The following STXBP5L variants were observed in gnomAD, a reference collection of about 807,000 sequenced individuals.
STXBP5L encodes the protein syntaxin binding protein 5L.
Under a neutral mutation model 144.5 loss-of-function variants are expected in STXBP5L, and 65 were observed. The observed-to-expected ratio is 0.45, with a 90% CI of 0.37 to 0.55. STXBP5L has a LOEUF of 0.55. Ranked by LOEUF, STXBP5L falls within the 20% of genes least tolerant of loss-of-function variation. The pLI is 0.00. For synonymous variants in STXBP5L, 505 were observed against 469.6 expected, an observed-to-expected ratio of 1.08 and a Z score of -0.97; for missense variants, 1,298 against 1,405.5, an observed-to-expected ratio of 0.92 and a Z score of 1.22.
At chr3:121,238,923 G>T in intron 12 of STXBP5L, 48 bp from the exon 13 acceptor site, 1 of 1,455,498 alleles carries the variant, frequency 6.9e-7, no homozygotes, top group Non-Finnish European at 9.2e-7. Flanking sequence ...ATTATTTTCT[G>T]TTTTTTTCTT....
intron 5 of STXBP5L, among the ~76,000 whole-genome samples, chr3:121,087,477 A>C (rs568188877): frequency 6.6e-6 from 1 of 152,020 alleles, no homozygotes; most frequent in African/African-American, 2.4e-5. Flanking sequence ...TTCATTATCT[A>C]ACATAATATA....
In STXBP5L at chr3:120,945,340, C is replaced by A. The variant is rs1290280921; in HGVS notation, c.190-9600C>A. On this transcript the variant is annotated intron_variant, in intron 2 of 26. Coordinates refer to ENST00000471454, the MANE Select transcript of STXBP5L (RefSeq NM_001308330.2). ...ATTTTTAAATAAAATAAATGTATTTCATAATTGGAATATTCTATTCCCTGT... is the reference window on the plus strand; with the variant it reads ...ATTTTTAAATAAAATAAATGTATTTAATAATTGGAATATTCTATTCCCTGT... Among the ~76,000 whole-genome samples, 5 of 151,808 alleles carry A rather than the reference C, an allele frequency of 3.3e-5. No individual in the cohort carries two copies. In the East Asian group the frequency reaches 7.7e-4, roughly 24 times the overall value.
intron 20 of STXBP5L, among the ~76,000 whole-genome samples, chr3:121,374,941 T>A (rs112419478): frequency 0.027 from 3,857 of 145,214 alleles, 154 homozygotes; most frequent in African/African-American, 0.092. Flanking sequence ...TATTCTAACT[T>A]ATAAGTGGGA....
chr3:121,180,251 T>A (rs2047089652), intron 9 of STXBP5L, among the ~76,000 whole-genome samples: 1 of 152,306 alleles, frequency 6.6e-6, no homozygotes, highest in Middle Eastern at 3.4e-3. Context: ...CAGCAGAAAC[T>A]TTACAAGCCA....
At chr3:121,299,946 C>T (rs1222000030) in intron 19 of STXBP5L, among the ~76,000 whole-genome samples, 1 of 145,168 alleles carries the variant, frequency 6.9e-6, no homozygotes, top group Non-Finnish European at 1.5e-5. Context: ...CACCACTGCA[C>T]TCCAGCCTGG....
intron 9 of STXBP5L, among the ~76,000 whole-genome samples, chr3:121,197,446 A>G (rs2047964907): frequency 6.6e-6 from 1 of 151,636 alleles, no homozygotes; most frequent in South Asian, 2.1e-4. Context: ...TCCTTTACTG[A>G]TTTTTTAACA....
chr3:121,405,203 CAT>C (rs1194354185), intron 22 of STXBP5L, among the ~76,000 whole-genome samples: 1 of 152,088 alleles, frequency 6.6e-6, no homozygotes, highest in African/African-American at 2.4e-5. Flanking sequence ...GGGGCTTTAA[CAT>C]ATGATTTTTT....
chr3:121,334,600 G>T (rs2331711), intron 20 of STXBP5L, among the ~76,000 whole-genome samples: 112,065 of 142,870 alleles, frequency 0.78, 44,252 homozygotes, highest in East Asian at 0.93. Flanking sequence ...AAAAAAATAC[G>T]TGCAAATCAA....
chr3:121,016,001 C>A (rs568047012), intron 3 of STXBP5L, among the ~76,000 whole-genome samples: 1 of 152,174 alleles, frequency 6.6e-6, no homozygotes, highest in East Asian at 1.9e-4. Context: ...CAGACTCTGT[C>A]TGAGGAGGAA....
intron 23 of STXBP5L, among the ~76,000 whole-genome samples, chr3:121,408,316 ACT>A (rs1309970890): frequency 1.3e-5 from 2 of 152,094 alleles, no homozygotes; most frequent in Admixed American, 1.3e-4. Context: ...TATAGAAGTC[ACT>A]GTCATTTTTT....
At position 120,956,378 on chromosome 3, in the gene STXBP5L, C is replaced by T. The variant is rs887464056; in HGVS notation, c.287+1341C>T. Among the ~76,000 whole-genome samples the T allele has an allele frequency of 2.6e-5, 4 of 151,930 alleles. No individual in the cohort carries two copies. In the South Asian group the frequency reaches 8.3e-4, roughly 31 times the overall value. ...GAAACCACCATTCTGCTTTCTGTTT[C>T]TATAATTTTTACTACTCTAGGTAAC... On this transcript the variant is annotated intron_variant, in intron 3 of 26. Transcript: ENST00000471454.
chr3:120,958,746 G>T (rs994738392), intron 3 of STXBP5L, among the ~76,000 whole-genome samples: 1 of 152,078 alleles, frequency 6.6e-6, no homozygotes, highest in African/African-American at 2.4e-5. Context: ...GTATTGATGG[G>T]ACGTATCTCT....
chr3:121,212,407 G>A (rs1304532928), intron 10 of STXBP5L, among the ~76,000 whole-genome samples: 1 of 152,052 alleles, frequency 6.6e-6, no homozygotes, highest in East Asian at 1.9e-4. Context: ...ATAAGGAAGG[G>A]GTCCAGTTTC....
chr3:120,932,668 A>G (rs1710007700), intron 2 of STXBP5L, among the ~76,000 whole-genome samples: 1 of 152,174 alleles, frequency 6.6e-6, no homozygotes, highest in Non-Finnish European at 1.5e-5. Flanking sequence ...AACTGGAAAT[A>G]CCATTTGACC....
chr3:121,049,031 G>A (rs896401391), intron 5 of STXBP5L, among the ~76,000 whole-genome samples: 7 of 152,120 alleles, frequency 4.6e-5, no homozygotes, highest in Non-Finnish European at 8.8e-5. Context: ...TGCTCCTTCT[G>A]TGAGCTCTGT....
At chr3:121,371,308 C>A (rs1304125703) in intron 20 of STXBP5L, among the ~76,000 whole-genome samples, 3 of 152,172 alleles carry the variant, frequency 2.0e-5, no homozygotes, top group African/African-American at 7.2e-5. Flanking sequence ...ACCTGGACTG[C>A]AAGCTTTAAC....
At chr3:121,050,988 A>G (rs1947934778) in intron 5 of STXBP5L, among the ~76,000 whole-genome samples, 1 of 152,246 alleles carries the variant, frequency 6.6e-6, no homozygotes, top group Admixed American at 6.5e-5. Flanking sequence ...GAGAAAAAGA[A>G]GGCCATTACA....
At chr3:121,078,786 C>T (rs376230467) in intron 5 of STXBP5L, among the ~76,000 whole-genome samples, 163 of 152,374 alleles carry the variant, frequency 1.1e-3, no homozygotes, top group African/African-American at 2.8e-3. Context: ...CCTCCGCAGC[C>T]GCTGGCCCAG....
chr3:120,993,489 T>G (rs1943089419), intron 3 of STXBP5L, among the ~76,000 whole-genome samples: 1 of 152,108 alleles, frequency 6.6e-6, no homozygotes, highest in Non-Finnish European at 1.5e-5. Flanking sequence ...TTGCGTATTC[T>G]GAGATTTAGG....
Sources: allele counts gnomAD v4.1 joint callset (sites outside exome capture counted in the v4.1 genomes callset), GRCh38; gene constraint gnomAD v4.1.1; transcripts MANE v1.5; gene names NCBI Gene and HGNC (gene_info 2026-07-23, HGNC 2026-07-21).